The following RASSF5 variants were observed in gnomAD, a reference collection of about 807,000 sequenced individuals.
The protein encoded by RASSF5 is Ras association domain family member 5, also known as ras association domain-containing protein 5.
RASSF5 carries 25 observed loss-of-function variants against 40.5 expected under a neutral mutation model. The observed-to-expected ratio is 0.62, with a 90% CI of 0.45 to 0.86. RASSF5 has a LOEUF of 0.86. Among genes scored for constraint, RASSF5 ranks in the 40% least tolerant of loss-of-function variants. RASSF5 has a pLI of 0.00. For missense variants in RASSF5, 521 were observed against 572.8 expected (o/e 0.91, Z 0.92); for synonymous variants, 246 against 252.4 (o/e 0.97, Z 0.24).
At position 206,561,946 on chromosome 1, in the gene RASSF5, G is replaced by A. The variant is rs1553402726; in HGVS notation, c.580-21323G>A. Among the ~76,000 whole-genome samples the A allele has an allele frequency of 2.0e-5, 3 of 151,954 alleles. No individual in the cohort carries two copies. In the South Asian group the frequency reaches 6.2e-4, roughly 32 times the overall value. On this transcript the variant is annotated intron_variant, in intron 2 of 5. Coordinates refer to ENST00000579436, the MANE Select transcript of RASSF5 (RefSeq NM_182663.4). ...GCCTCCCAAGGTGCTGGGATTACAG[G>A]AGTGAGCCACCGCACCCGGCCTATA...
intron 1 of RASSF5, among the ~76,000 whole-genome samples, chr1:206,527,672 G>A (rs782324861): frequency 1.3e-5 from 2 of 152,098 alleles, no homozygotes; most frequent in Non-Finnish European, 2.9e-5. Flanking sequence ...AGACAGGACC[G>A]AAGCCTCAGG....
chr1:206,558,221 G>T (rs1553402072), intron 2 of RASSF5, among the ~76,000 whole-genome samples: 1 of 152,196 alleles, frequency 6.6e-6, no homozygotes, highest in Non-Finnish European at 1.5e-5. Flanking sequence ...GAAAACTTCT[G>T]GCCTAGGCTG....
Position 206,535,691 on chromosome 1 carries a change from G to A in RASSF5, c.458-2481G>A, listed in dbSNP as rs974017913. On this transcript the variant is annotated intron_variant, in intron 1 of 5. Transcript: ENST00000579436. The surrounding 1 kb of genome is among the most constrained non-coding windows in gnomAD (Gnocchi z 5.0). ...GCATGGTGATGTTTTCAGGGTGTGT[G>A]TGTGTGTGTGTCTGTGTGTGTGTGG... 1.5e-5 allele frequency among the ~76,000 whole-genome samples: 2 copies of A among 134,982 alleles called. No homozygotes were observed. Among genetic ancestry groups the A allele is most frequent in the Non-Finnish European group, 3.2e-5 (2 of 63,296 alleles). The allele number at this position is 134,982 out of a possible 152,430, so 88.6% of individuals were successfully genotyped here.
intron 1 of RASSF5, among the ~76,000 whole-genome samples, chr1:206,512,948 A>G: frequency 6.6e-6 from 1 of 152,242 alleles, no homozygotes; most frequent in East Asian, 1.9e-4. Flanking sequence ...AGGGATGCTT[A>G]GCTCAGCTGA....
At chr1:206,546,087 CTATTTTTTTTTTTT>C (rs1667679534) in intron 2 of RASSF5, among the ~76,000 whole-genome samples, 11 of 26,444 alleles carry the variant, frequency 4.2e-4, no homozygotes, top group African/African-American at 1.6e-3. Context: ...TCTTCTTTTT[CTATTTTTTTTTTTT>C]TTTTTTTTTT....
Position 206,588,867 on chromosome 1 carries a change from A to G in RASSF5, c.*1889A>G, listed in dbSNP as rs1348556587. Reference sequence around the variant, plus strand: ...CGTCCTGCATGTCTCTAACATTAATAGAAGGCATGGCTCCTGCTGCAACCG... The same window carrying G: ...CGTCCTGCATGTCTCTAACATTAATGGAAGGCATGGCTCCTGCTGCAACCG... On this transcript the variant is annotated 3_prime_UTR_variant, in exon 6 of 6. Transcript: ENST00000579436. 2.0e-5 allele frequency: 3 copies of G among 152,802 alleles called. No homozygotes were observed. The highest frequency in any genetic ancestry group is 7.2e-5 in the African/African-American group (3 of 41,454). The allele number at this position is 152,802 out of a possible 1,614,324, so 9.5% of individuals were successfully genotyped here. A position where few individuals can be genotyped will look rare whatever the true frequency, so the allele number is the denominator to read the frequency against.
In RASSF5 at chr1:206,513,637, G is replaced by A. The variant is rs1428865546; in HGVS notation, c.457+5578G>A. Among the ~76,000 whole-genome samples the A allele has an allele frequency of 6.6e-6, 1 of 152,240 alleles. No individual in the cohort carries two copies. The highest frequency in any genetic ancestry group is 2.4e-5 in the African/African-American group (1 of 41,462). On this transcript the variant is annotated intron_variant, in intron 1 of 5. Coordinates refer to ENST00000579436, the MANE Select transcript of RASSF5 (RefSeq NM_182663.4). The surrounding 1 kb of genome is among the most constrained non-coding windows in gnomAD (Gnocchi z 5.0). ...TCCATGGCTGGGTGGGGAAGGGCTG[G>A]CGGCAGCTGGGAAGGCCGGGCCTGA...
rs1238427770 is a variant in RASSF5, at chr1:206,523,776, T to A, written c.458-14396T>A. ...TAATATACATAATATATTTTATATATTATATATAATATATTTTATATATAA... is the reference window on the plus strand; with the variant it reads ...TAATATACATAATATATTTTATATAATATATATAATATATTTTATATATAA... On this transcript the variant is annotated intron_variant, in intron 1 of 5. Coordinates refer to ENST00000579436, the MANE Select transcript of RASSF5 (RefSeq NM_182663.4). 4.9e-5 allele frequency among the ~76,000 whole-genome samples: 5 copies of A among 101,696 alleles called. No individual in the cohort carries two copies. In the South Asian group the frequency reaches 9.8e-4, roughly 20 times the overall value. The allele number at this position is 101,696 out of a possible 152,430, so 66.7% of individuals were successfully genotyped here.
At chr1:206,585,116 C>T (rs1194437357) in intron 4 of RASSF5, 64 bp from the exon 5 acceptor site, 17 of 1,264,722 alleles carry the variant, frequency 1.3e-5, no homozygotes, top group African/African-American at 5.9e-5. Flanking sequence ...AATCCTTTCC[C>T]GCAAGCCTGG....
In RASSF5 at chr1:206,552,645, C is replaced by T. The variant is rs1441547689; in HGVS notation, c.579+14352C>T. Among the ~76,000 whole-genome samples the T allele has an allele frequency of 1.3e-5, 2 of 152,122 alleles. No homozygotes were observed. The highest frequency in any genetic ancestry group is 2.4e-5 in the African/African-American group (1 of 41,424). On this transcript the variant is annotated intron_variant, in intron 2 of 5. Coordinates refer to ENST00000579436, the MANE Select transcript of RASSF5 (RefSeq NM_182663.4). The surrounding 1 kb of genome is among the most constrained non-coding windows in gnomAD (Gnocchi z 4.1). ...AAAGGACAATTGTAATGGAAAGTTA[C>T]AGGGGCTCTGGGTTTGAATCTGATT...
Position 206,584,759 on chromosome 1 carries a change from CG to C in RASSF5, c.988+77del. 1 of 1,525,720 alleles carries C rather than the reference CG, an allele frequency of 6.6e-7. No homozygotes were observed. Among genetic ancestry groups the C allele is most frequent in the Non-Finnish European group, 9.0e-7 (1 of 1,116,458 alleles). The allele number at this position is 1,525,720 out of a possible 1,614,324, so 94.5% of individuals were successfully genotyped here. On this transcript the variant is annotated intron_variant, in intron 4 of 5. Coordinates refer to ENST00000579436, the MANE Select transcript of RASSF5 (RefSeq NM_182663.4). This position sits in a 1 kb window ranked among gnomAD's most constrained non-coding sequence, Gnocchi z 4.9. ...CAAGCCCACCCACTAAAACTCCTGCCGGCCTTGGGTGGGAGCTGTGGGCTTC... is the reference window on the plus strand; with the variant it reads ...CAAGCCCACCCACTAAAACTCCTGCCGCCTTGGGTGGGAGCTGTGGGCTTC...
chr1:206,576,804 AGTTT>A (rs1553405281), intron 2 of RASSF5, among the ~76,000 whole-genome samples: 1 of 152,026 alleles, frequency 6.6e-6, no homozygotes. Context: ...CCATAAATAA[AGTTT>A]GTTTTGTTTT....
chr1:206,582,299 G>C lies in RASSF5; in HGVS notation c.580-970G>C, dbSNP rs1572368569. On this transcript the variant is annotated intron_variant, in intron 2 of 5. Coordinates refer to ENST00000579436, the MANE Select transcript of RASSF5 (RefSeq NM_182663.4). ...TCATTGTTCACTTATCCTTCCCAGG[G>C]GGTGGGAGGAGGAGGGCATCTGGGA... 3.3e-5 allele frequency among the ~76,000 whole-genome samples: 5 copies of C among 152,274 alleles called. No homozygotes were observed. The South Asian group carries it at 1.0e-3, about 32-fold the overall frequency.
chr1:206,546,909 G>C (rs1212470601), intron 2 of RASSF5, among the ~76,000 whole-genome samples: 1 of 152,142 alleles, frequency 6.6e-6, no homozygotes, highest in Non-Finnish European at 1.5e-5. Flanking sequence ...TGTAAGGAGG[G>C]AACCATCTGT....
intron 2 of RASSF5, chr1:206,572,495 A>T (rs1668484117): frequency 6.6e-6 from 1 of 152,182 alleles, no homozygotes; most frequent in South Asian, 2.1e-4. Context: ...GGGTAACCAA[A>T]TGCACTGGTT....
In RASSF5 at chr1:206,579,688, C is replaced by T. The variant is rs1472833978; in HGVS notation, c.580-3581C>T. ...TTTTAAAATTCCCATGCCCAGACTG[C>T]ACCCCAGACCAATTAAATCAGAATC... On this transcript the variant is annotated intron_variant, in intron 2 of 5. Transcript: ENST00000579436. The surrounding 1 kb of genome is among the most constrained non-coding windows in gnomAD (Gnocchi z 4.2). Among the ~76,000 whole-genome samples, 1 of 152,200 alleles carries T rather than the reference C, an allele frequency of 6.6e-6. No homozygotes were observed. The highest frequency in any genetic ancestry group is 2.1e-4 in the South Asian group (1 of 4,832).
At chr1:206,557,725 C>T in intron 2 of RASSF5, 2 of 1,608,610 alleles carry the variant, frequency 1.2e-6, no homozygotes, top group South Asian at 1.1e-5. Flanking sequence ...AGGAGCCTTT[C>T]GTGGGGGGAA....
intron 1 of RASSF5, chr1:206,529,638 A>C: frequency 1.3e-6 from 1 of 764,422 alleles, no homozygotes; most frequent in East Asian, 2.4e-5. Flanking sequence ...CCTGGGTCCC[A>C]AGTCTGTGGC....
intron 1 of RASSF5, among the ~76,000 whole-genome samples, chr1:206,519,204 A>G (rs1553395760): frequency 6.6e-6 from 1 of 152,326 alleles, no homozygotes; most frequent in Non-Finnish European, 1.5e-5. Flanking sequence ...ACAGCAATCC[A>G]AATCATCATA....
Sources: allele counts gnomAD v4.1 joint callset (sites outside exome capture counted in the v4.1 genomes callset), GRCh38; gene constraint gnomAD v4.1.1; non-coding constraint Gnocchi (gnomAD v3.1); transcripts MANE v1.5; gene names NCBI Gene and HGNC (gene_info 2026-07-23, HGNC 2026-07-21).